The following HSD17B11 variants were observed in gnomAD, a reference collection of about 807,000 sequenced individuals.
HSD17B11 encodes the protein hydroxysteroid 17-beta dehydrogenase 11.
A neutral mutation model predicts 27.8 loss-of-function variants in HSD17B11; 22 were observed. The ratio of observed to expected loss-of-function variants is 0.79; its 90% CI spans 0.56 to 1.13. The LOEUF (loss-of-function observed/expected upper bound fraction) is 1.13. HSD17B11 is among the 50% of genes most tolerant of loss of function. The pLI, the probability that HSD17B11 is intolerant of heterozygous loss-of-function variation, is 0.00. For synonymous variants in HSD17B11, 117 were observed against 132.8 expected, an observed-to-expected ratio of 0.88 and a Z score of 0.82; for missense variants, 314 against 351.1, an observed-to-expected ratio of 0.89 and a Z score of 0.84.
intron 2 of HSD17B11, among the ~76,000 whole-genome samples, chr4:87,378,102 G>A (rs928832987): frequency 3.9e-5 from 6 of 152,154 alleles, no homozygotes; most frequent in Admixed American, 1.3e-4. Context: ...CAGTACTCCT[G>A]TAGGGCATCA....
At chr4:87,380,782 C>T (rs1720136156) in intron 2 of HSD17B11, among the ~76,000 whole-genome samples, 1 of 145,434 alleles carries the variant, frequency 6.9e-6, no homozygotes, top group African/African-American at 2.6e-5. Flanking sequence ...GGGGTGAACC[C>T]GGGAGGCGGA....
intron 1 of HSD17B11, among the ~76,000 whole-genome samples, chr4:87,386,251 G>GACA (rs1296138142): frequency 1.3e-5 from 2 of 150,534 alleles, no homozygotes; most frequent in Non-Finnish European, 2.9e-5. Context: ...CACCCAGCCT[G>GACA]GAGTGCAATG....
At chr4:87,340,171 AATATC>A (rs1735139371) in intron 6 of HSD17B11, 1 of 164,540 alleles carries the variant, frequency 6.1e-6, no homozygotes, top group African/African-American at 2.4e-5. Flanking sequence ...GGTCTCCTTT[AATATC>A]ATTGTTCTAT....
chr4:87,381,057 T>C (rs1191592445), intron 2 of HSD17B11, among the ~76,000 whole-genome samples: 1 of 146,916 alleles, frequency 6.8e-6, no homozygotes, highest in African/African-American at 2.5e-5. Context: ...TGATGGTGCG[T>C]GCCTGTAATC....
intron 5 of HSD17B11, among the ~76,000 whole-genome samples, chr4:87,355,819 G>A (rs919366960): frequency 2.0e-5 from 3 of 152,026 alleles, no homozygotes; most frequent in Admixed American, 6.6e-5. Flanking sequence ...CACAAGAGTC[G>A]CTTGAACCTG....
At chr4:87,357,987 A>T (rs1232362433) in intron 4 of HSD17B11, among the ~76,000 whole-genome samples, 2 of 57,660 alleles carry the variant, frequency 3.5e-5, no homozygotes, top group Non-Finnish European at 3.4e-5. Flanking sequence ...TTTGAGACAG[A>T]GTCTTGCTCT....
intron 5 of HSD17B11, among the ~76,000 whole-genome samples, chr4:87,353,184 C>T (rs1314330098): frequency 6.7e-6 from 1 of 149,652 alleles, no homozygotes; most frequent in Non-Finnish European, 1.5e-5. Context: ...CAGCAATAAG[C>T]ATCCTCGGGC....
intron 6 of HSD17B11, 90 bp downstream of exon 6, chr4:87,340,381 TTCCATTTAACTGTACTTTA>T: frequency 1.6e-6 from 1 of 640,636 alleles, no homozygotes; most frequent in Non-Finnish European, 2.6e-6. Context: ...ATTAAGTCAA[TTCCATTTAACTGTACTTTA>T]TCAACTGCCT....
intron 6 of HSD17B11, among the ~76,000 whole-genome samples, chr4:87,339,617 C>T (rs941237353): frequency 1.3e-5 from 2 of 152,206 alleles, no homozygotes; most frequent in African/African-American, 4.8e-5. Flanking sequence ...CCCCTTTCCC[C>T]TCCTTATGTG....
chr4:87,382,323 C>T lies in HSD17B11; in HGVS notation c.250G>A (p.Gly84Ser). 6.2e-7 allele frequency: 1 copy of T among 1,613,910 alleles called. No individual in the cohort carries two copies. The highest frequency in any genetic ancestry group is 8.5e-7 in the Non-Finnish European group (1 of 1,179,870). Reference sequence around the variant, plus strand: ...ACCACAAAGGTATGAACCTTGGCACCCAGTCCCTTGCATTTGGCAGCTGTT... The same window carrying T: ...ACCACAAAGGTATGAACCTTGGCACTCAGTCCCTTGCATTTGGCAGCTGTT... Reference protein sequence around the residue: ...EETAAKCKGLGAKVHTFVVDC... With the variant: ...EETAAKCKGLSAKVHTFVVDC... Residue 84 changes from glycine to serine, a missense_variant, in exon 2 of 7, where the codon GGT becomes AGT. Physicochemically the swap from Gly to Ser is moderately conservative, Grantham distance 56. Transcript: ENST00000358290.
At chr4:87,366,668 G>T (rs896737897) in intron 4 of HSD17B11, among the ~76,000 whole-genome samples, 2 of 152,062 alleles carry the variant, frequency 1.3e-5, no homozygotes, top group Admixed American at 1.3e-4. Flanking sequence ...ATCAATTGTG[G>T]CTTTAATAGT....
intron 5 of HSD17B11, among the ~76,000 whole-genome samples, chr4:87,347,116 C>CTTTTTTTTT (rs70957224): frequency 7.2e-4 from 32 of 44,314 alleles, no homozygotes; most frequent in East Asian, 1.3e-3. Context: ...TTTTTTTTTT[C>CTTTTTTTTT]TTTTTTTTTT....
At chr4:87,355,927 G>T (rs186011847) in intron 5 of HSD17B11, among the ~76,000 whole-genome samples, 23 of 148,324 alleles carry the variant, frequency 1.6e-4, no homozygotes, top group Middle Eastern at 6.8e-3. Flanking sequence ...AACAAACAAA[G>T]AAACAAACAA....
Position 87,390,931 on chromosome 4 carries a change from C to A in HSD17B11, c.140G>T (p.Gly47Val), listed in dbSNP as rs377701964. ...EIVLITGAGH[G>V]IGRLTAYEFA... ...TTCATAGGCAGTCAGTCTCCCAATTCCATGCCCAGCTCCTGTAATCAGCAC... is the reference window on the plus strand; with the variant it reads ...TTCATAGGCAGTCAGTCTCCCAATTACATGCCCAGCTCCTGTAATCAGCAC... Residue 47 changes from glycine (G) to valine (V), a missense_variant, in exon 1 of 7, where the codon GGA becomes GTA. Coordinates refer to ENST00000358290, the MANE Select transcript of HSD17B11 (RefSeq NM_016245.5). The A allele has an allele frequency of 6.2e-7, 1 of 1,614,046 alleles. No individual in the cohort carries two copies. Among genetic ancestry groups the A allele is most frequent in the Non-Finnish European group, 8.5e-7 (1 of 1,180,036 alleles).
intron 1 of HSD17B11, among the ~76,000 whole-genome samples, chr4:87,388,178 A>AC (rs1227202578): frequency 4.0e-4 from 60 of 151,678 alleles, no homozygotes; most frequent in Admixed American, 2.7e-3. Context: ...AAAAAAAAAA[A>AC]AACAATCTAG....
chr4:87,353,087 G>A (rs1352595761), intron 5 of HSD17B11, among the ~76,000 whole-genome samples: 4 of 103,580 alleles, frequency 3.9e-5, no homozygotes, highest in Non-Finnish European at 3.9e-5. Flanking sequence ...CTTCTGCGTC[G>A]CTCACGCTGG....
chr4:87,347,108 T>TAACAGCAAATCAGCAA (rs1373402504), intron 5 of HSD17B11, among the ~76,000 whole-genome samples: 32 of 89,050 alleles, frequency 3.6e-4, no homozygotes, highest in South Asian at 9.4e-4. Context: ...TCTGGATTTT[T>TAACAGCAAATCAGCAA]TTTTTTTCTT....
At chr4:87,346,089 C>G (rs981203697) in intron 5 of HSD17B11, among the ~76,000 whole-genome samples, 2 of 152,060 alleles carry the variant, frequency 1.3e-5, no homozygotes, top group African/African-American at 4.8e-5. Context: ...TAACTACATG[C>G]CATTATCCCA....
chr4:87,360,564 T>C (rs185323822), intron 4 of HSD17B11, among the ~76,000 whole-genome samples: 1 of 152,354 alleles, frequency 6.6e-6, no homozygotes, highest in African/African-American at 2.4e-5. Context: ...AGTGATTGGC[T>C]CCAGGCTAGT....
Sources: allele counts gnomAD v4.1 joint callset (sites outside exome capture counted in the v4.1 genomes callset), GRCh38; gene constraint gnomAD v4.1.1; transcripts MANE v1.5; gene names NCBI Gene and HGNC (gene_info 2026-07-23, HGNC 2026-07-21).